LRSAM1: variants seen among roughly 807,000 people sequenced by gnomAD.
LRSAM1 encodes the protein leucine rich repeat and sterile alpha motif containing 1.
In LRSAM1, 96 loss-of-function variants were observed where a neutral mutation model predicts 118.1. The ratio of observed to expected loss-of-function variants is 0.81; its 90% CI spans 0.69 to 0.96. The LOEUF (loss-of-function observed/expected upper bound fraction) is 0.96. LRSAM1 is among the 40% of genes least tolerant of loss of function. LRSAM1 has a pLI of 0.00. For synonymous variants in LRSAM1, 322 were observed against 364.2 expected, an observed-to-expected ratio of 0.88 and a Z score of 1.32; for missense variants, 804 against 915.5, an observed-to-expected ratio of 0.88 and a Z score of 1.57.
chr9:127,495,940 A>G (rs200538913), intron 22 of LRSAM1, 24 bp from the exon 23 acceptor site: 133 of 1,611,392 alleles, frequency 8.3e-5, no homozygotes, highest in Admixed American at 5.0e-5. Context: ...CTTCCTGCTC[A>G]TGGTACACGT....
chr9:127,479,343 AG>A, intron 12 of LRSAM1, 39 bp from the exon 13 acceptor site: 2 of 1,613,844 alleles, frequency 1.2e-6, no homozygotes, highest in Non-Finnish European at 1.7e-6. Context: ...TAACTCCCCC[AG>A]GGCCTGTGCT....
rs1197229534 is a variant in LRSAM1, at chr9:127,503,225, C to A, written c.*326C>A. The A allele has an allele frequency of 3.1e-5, 12 of 387,938 alleles. No individual in the cohort carries two copies. The Admixed American group carries it at 4.5e-4, about 15-fold the overall frequency. The allele number at this position is 387,938 out of a possible 1,614,324, so 24.0% of individuals were successfully genotyped here. On this transcript the variant is annotated 3_prime_UTR_variant, in exon 26 of 26. Coordinates refer to ENST00000300417, the MANE Select transcript of LRSAM1 (RefSeq NM_001005373.4). ...AGCTGTCTTGACTGAAGGCCACCGC[C>A]CCTGCAGGAGCTTGGGTCCTCATCT...
chr9:127,493,427 C>A (rs964801655), intron 21 of LRSAM1, among the ~76,000 whole-genome samples: 1 of 152,156 alleles, frequency 6.6e-6, no homozygotes, highest in African/African-American at 2.4e-5. Context: ...TTCGTGTATG[C>A]GCCTTTTAAA....
intron 10 of LRSAM1, among the ~76,000 whole-genome samples, chr9:127,472,488 A>G (rs977533270): frequency 6.6e-6 from 1 of 151,932 alleles, no homozygotes; most frequent in Non-Finnish European, 1.5e-5. Flanking sequence ...CTAAAAATAC[A>G]AAATTAGCTG....
chr9:127,464,924 G>A (rs1057237207), intron 9 of LRSAM1, among the ~76,000 whole-genome samples: 8 of 151,848 alleles, frequency 5.3e-5, no homozygotes, highest in South Asian at 2.1e-4. Flanking sequence ...TTACAGGTGT[G>A]AGCCACCACA....
intron 24 of LRSAM1, among the ~76,000 whole-genome samples, chr9:127,497,863 A>G (rs1181031339): frequency 6.6e-6 from 1 of 152,240 alleles, no homozygotes; most frequent in Admixed American, 6.5e-5. Context: ...ACCGCTGTGC[A>G]TGAACCACGT....
chr9:127,464,403 C>G (rs755058160), intron 9 of LRSAM1, among the ~76,000 whole-genome samples: 4 of 109,704 alleles, frequency 3.6e-5, no homozygotes, highest in Non-Finnish European at 5.4e-5. Flanking sequence ...CCACGTGTAT[C>G]TATTGAGCAC....
At chr9:127,478,541 T>G (rs1436070860) in intron 11 of LRSAM1, among the ~76,000 whole-genome samples, 1 of 152,242 alleles carries the variant, frequency 6.6e-6, no homozygotes, top group African/African-American at 2.4e-5. Flanking sequence ...TACCCACACC[T>G]TTGTGCACTG....
At chr9:127,469,868 A>G (rs546764161) in intron 10 of LRSAM1, among the ~76,000 whole-genome samples, 19 of 151,388 alleles carry the variant, frequency 1.3e-4, no homozygotes, top group Admixed American at 2.6e-4. Context: ...GGGAGGCTGA[A>G]GCAGGAGAAT....
intron 18 of LRSAM1, 57 bp from the exon 19 acceptor site, chr9:127,489,387 G>A: frequency 6.4e-7 from 1 of 1,557,326 alleles, no homozygotes; most frequent in Non-Finnish European, 8.7e-7. Context: ...CAGGGATGGG[G>A]CTGCAGGGAA....
chr9:127,482,781 G>A (rs1481254019), intron 15 of LRSAM1, among the ~76,000 whole-genome samples, 169 bp from the exon 16 acceptor site: 1 of 152,196 alleles, frequency 6.6e-6, no homozygotes, highest in Non-Finnish European at 1.5e-5. Context: ...GGCTGAAGGC[G>A]AACAGAGGGC....
chr9:127,454,414 C>A (rs749714585), intron 2 of LRSAM1, 82 bp from the exon 3 acceptor site: 2 of 1,017,376 alleles, frequency 2.0e-6, no homozygotes, highest in Non-Finnish European at 3.0e-6. Flanking sequence ...CAGCTGCATG[C>A]TCTGTGTTAC....
chr9:127,485,759 G>C lies in LRSAM1; in HGVS notation c.1183G>C (p.Glu395Gln). 3.1e-6 allele frequency: 5 copies of C among 1,614,132 alleles called. No homozygotes were observed. The highest frequency in any genetic ancestry group is 4.2e-6 in the Non-Finnish European group (5 of 1,180,040). Reference sequence around the variant, plus strand: ...AGCCGCCATGCAGCAGATGCTGACTGAGAGCTGTAAGAACCGGCTCATCCA... The same window carrying C: ...AGCCGCCATGCAGCAGATGCTGACTCAGAGCTGTAAGAACCGGCTCATCCA... ...VASAMQQMLT[E>Q]SCKNRLIQMA... is the part of the protein sequence containing the mutation. The change falls in exon 17 of 26, where the codon GAG becomes CAG. Residue 395 changes from glutamate to glutamine, a missense_variant. By Grantham distance (29) the Glu-to-Gln change is conservative. Transcript: ENST00000300417.
intron 2 of LRSAM1, 137 bp downstream of exon 2, chr9:127,452,221 G>A (rs1330256839): frequency 6.6e-6 from 1 of 152,548 alleles, no homozygotes; most frequent in Non-Finnish European, 1.5e-5. Flanking sequence ...GTGGGAGAGC[G>A]ATGGTGGTTG....
At position 127,473,956 on chromosome 9, in the gene LRSAM1, G is replaced by C. The variant is rs780990825; in HGVS notation, c.750+25G>C. 2.1e-5 allele frequency: 34 copies of C among 1,613,918 alleles called. 1 individual carries two copies. The Admixed American group carries it at 5.5e-4, about 26-fold the overall frequency. On this transcript the variant is annotated intron_variant, in intron 11 of 25. Coordinates refer to ENST00000300417, the MANE Select transcript of LRSAM1 (RefSeq NM_001005373.4). ...GGTAAGACAAGGCAGCCTGCTGCAC[G>C]CATACATGTGTGTGTGTGCGTGTGC...
chr9:127,483,692 C>T (rs1487499966), intron 16 of LRSAM1, among the ~76,000 whole-genome samples: 2 of 152,146 alleles, frequency 1.3e-5, no homozygotes, highest in Non-Finnish European at 2.9e-5. Flanking sequence ...GAGACAAAGT[C>T]TCGCTCTGTT....
intron 17 of LRSAM1, 64 bp downstream of exon 17, chr9:127,485,899 G>A (rs766761756): frequency 3.4e-5 from 52 of 1,521,578 alleles, no homozygotes; most frequent in East Asian, 6.8e-5. Context: ...GCCCAAGACC[G>A]TGGGATGAGA....
chr9:127,475,247 T>C (rs942739319), intron 11 of LRSAM1, among the ~76,000 whole-genome samples: 3 of 151,980 alleles, frequency 2.0e-5, no homozygotes, highest in Non-Finnish European at 2.9e-5. Flanking sequence ...AGAAAAAATA[T>C]TGGGAGGCCG....
In LRSAM1 at chr9:127,479,644, G is replaced by A. The variant is rs187146561; in HGVS notation, c.903+139G>A. ...CCTTCTGTCCCCCAGCACCTGGGAG[G>A]GCCCTTACAGATCACCCAGCCCAGC... On this transcript the variant is annotated intron_variant, in intron 13 of 25. Coordinates refer to ENST00000300417, the MANE Select transcript of LRSAM1 (RefSeq NM_001005373.4). 90 of 1,393,100 alleles carry A rather than the reference G, an allele frequency of 6.5e-5. 1 individual carries two copies. In the African/African-American group the frequency reaches 1.1e-3, roughly 18 times the overall value. 86.3% of individuals were successfully genotyped at this position (1,393,100 alleles called of 1,614,324 possible).
Sources: gnomAD v4.1 joint callset for allele counts (sites outside exome capture counted in the v4.1 genomes callset) on GRCh38, gnomAD v4.1.1 for gene constraint, MANE v1.5 for transcripts, NCBI Gene and HGNC (gene_info 2026-07-23, HGNC 2026-07-21) for gene names.